MYH4: variants seen among roughly 807,000 people sequenced by gnomAD.
MYH4 encodes the protein myosin-4.
A neutral mutation model predicts 229.9 loss-of-function variants in MYH4; 200 were observed. That is an observed-to-expected ratio of 0.87 (90% CI 0.78 to 0.98). The LOEUF is 0.98. Among genes scored for constraint, MYH4 ranks in the 50% least tolerant of loss-of-function variants. The pLI, the probability that MYH4 is intolerant of heterozygous loss-of-function variation, is 0.00. For missense variants in MYH4, 2,148 were observed against 2,332.6 expected (o/e 0.92, Z 1.63); for synonymous variants, 761 against 834.6 (o/e 0.91, Z 1.52).
At position 10,454,940 on chromosome 17, in the gene MYH4, C is replaced by G. The variant is rs779526769; in HGVS notation, c.2435+1G>C. On this transcript the variant is annotated splice_donor_variant, in intron 21 of 39. Transcript: ENST00000255381. LOFTEE classifies it high-confidence loss of function. ...AGGAAGACTTGTGTGTGGGCTCTCA[C>G]CTCCTCTCCATCATCTTTCTGAACT... The G allele has an allele frequency of 1.2e-6, 2 of 1,614,056 alleles. No homozygotes were observed. The highest frequency in any genetic ancestry group is 1.7e-6 in the Non-Finnish European group (2 of 1,179,914).
chr17:10,468,681 T>C (rs2072791336), intron 2 of MYH4, among the ~76,000 whole-genome samples: 2 of 152,166 alleles, frequency 1.3e-5, no homozygotes, highest in Non-Finnish European at 2.9e-5. Flanking sequence ...CTGACGTCAA[T>C]CACAGTTGGC....
At chr17:10,456,192 G>A (rs893301503) in intron 17 of MYH4, among the ~76,000 whole-genome samples, 1 of 152,184 alleles carries the variant, frequency 6.6e-6, no homozygotes, top group African/African-American at 2.4e-5. Flanking sequence ...TTTTAAAAGA[G>A]CATTTGATTT....
chr17:10,454,778 CG>C lies in MYH4; in HGVS notation c.2467del (p.Arg823ValfsTer4), dbSNP rs761543068. The C allele has an allele frequency of 1.2e-6, 2 of 1,613,922 alleles. No individual in the cohort carries two copies. Among genetic ancestry groups the C allele is most frequent in the Admixed American group, 3.3e-5 (2 of 60,008 alleles). ...ESIFCIQYNIRAFMNVKHWPW... is the reference protein window; with the variant it reads ...ESIFCIQYNIXAFMNVKHWPW... ...CCAGTGCTTCACATTCATGAAAGCA[CG>C]GATGTTGTACTGAATGCAGAAGATG... On this transcript the variant is annotated frameshift_variant, in exon 22 of 40. Coordinates refer to ENST00000255381, the MANE Select transcript of MYH4 (RefSeq NM_017533.2). LOFTEE classifies it high-confidence loss of function.
At position 10,448,315 on chromosome 17, in the gene MYH4, A is replaced by C. The variant is rs958728692; in HGVS notation, c.4656+81T>G. On this transcript the variant is annotated intron_variant, in intron 33 of 39. Coordinates refer to ENST00000255381, the MANE Select transcript of MYH4 (RefSeq NM_017533.2). ...GAATTACTTGTGTTATTCCCTAAAGATTTGCAACATGATAGAGATCTCAGT... is the reference window on the plus strand; with the variant it reads ...GAATTACTTGTGTTATTCCCTAAAGCTTTGCAACATGATAGAGATCTCAGT... The C allele has an allele frequency of 2.2e-5, 33 of 1,473,300 alleles. No individual in the cohort carries two copies. The South Asian group carries it at 4.1e-4, about 18-fold the overall frequency. The allele number at this position is 1,473,300 out of a possible 1,614,324, so 91.3% of individuals were successfully genotyped here. A position where few individuals can be genotyped will look rare whatever the true frequency, so the allele number is the denominator to read the frequency against.
chr17:10,460,021 C>T lies in MYH4; in HGVS notation c.1347G>A (p.Gln449=), dbSNP rs2072683188. 1 of 1,614,112 alleles carries T rather than the reference C, an allele frequency of 6.2e-7. No individual in the cohort carries two copies. Among genetic ancestry groups the T allele is most frequent in the Non-Finnish European group, 8.5e-7 (1 of 1,179,986 alleles). ...FLWMVTRINQ[Q]LDTKQPRQYF... ...ACTGCCTGGGCTGCTTGGTGTCCAG[C>T]TGCTGGTTGATGCGGGTGACCATCC... The change falls in exon 14 of 40, where the codon CAG becomes CAA. Residue 449 remains glutamine (Q), a synonymous_variant. Coordinates refer to ENST00000255381, the MANE Select transcript of MYH4 (RefSeq NM_017533.2).
chr17:10,468,975 C>A (rs1427071694), intron 2 of MYH4, among the ~76,000 whole-genome samples: 1 of 152,204 alleles, frequency 6.6e-6, no homozygotes, highest in Non-Finnish European at 1.5e-5. Flanking sequence ...GATAAACACA[C>A]CTTGATTTTA....
At chr17:10,464,766 C>T (rs1015077386) in intron 5 of MYH4, 58 bp from the exon 6 acceptor site, 51 of 1,535,774 alleles carry the variant, frequency 3.3e-5, no homozygotes, top group Admixed American at 5.3e-5. Context: ...CATAGGTCAA[C>T]GCAGTACTTA....
chr17:10,462,636 G>A (rs1567705955), intron 11 of MYH4, among the ~76,000 whole-genome samples: 2 of 152,138 alleles, frequency 1.3e-5, no homozygotes, highest in South Asian at 4.1e-4. Context: ...GAGCCTACTA[G>A]CTAAGGAATA....
chr17:10,455,325 G>C (rs754255901), intron 19 of MYH4, 30 bp from the exon 20 acceptor site: 11 of 1,591,736 alleles, frequency 6.9e-6, no homozygotes, highest in South Asian at 1.2e-5. Flanking sequence ...ATAAAAATGT[G>C]GTTTTTCTTC....
chr17:10,459,853 A>C, intron 14 of MYH4, 99 bp downstream of exon 14: 1 of 1,598,642 alleles, frequency 6.3e-7, no homozygotes, highest in Admixed American at 1.7e-5. Context: ...AGTAGGAATT[A>C]CATTTGTATA....
At chr17:10,457,193 T>C (rs1233444119) in intron 16 of MYH4, among the ~76,000 whole-genome samples, 1 of 152,226 alleles carries the variant, frequency 6.6e-6, no homozygotes, top group Non-Finnish European at 1.5e-5. Context: ...ATTCTTGTTT[T>C]CTCATGAGTG....
intron 11 of MYH4, among the ~76,000 whole-genome samples, chr17:10,461,599 CT>C (rs1488109964): frequency 4.6e-5 from 7 of 152,142 alleles, no homozygotes; most frequent in Non-Finnish European, 7.3e-5. Flanking sequence ...ACATGCCTCT[CT>C]GATAGCAAGC....
chr17:10,452,979 C>A (rs2072595192), intron 24 of MYH4, 47 bp from the exon 25 acceptor site: 1 of 1,594,478 alleles, frequency 6.3e-7, no homozygotes, highest in Non-Finnish European at 8.5e-7. Context: ...AAGCACTGAA[C>A]CCTATGCTAG....
intron 27 of MYH4, 73 bp downstream of exon 27, chr17:10,451,868 A>T (rs2072577064): frequency 1.3e-6 from 2 of 1,522,570 alleles, no homozygotes; most frequent in East Asian, 2.3e-5. Context: ...TTTGGCTAAA[A>T]ATAGTCATAT....
At chr17:10,460,174 A>G in intron 13 of MYH4, 29 bp downstream of exon 13, 1 of 1,613,436 alleles carries the variant, frequency 6.2e-7, no homozygotes, top group Non-Finnish European at 8.5e-7. Context: ...TGCGGTTCAA[A>G]TAAATCAGAC....
chr17:10,451,870 T>C, intron 27 of MYH4, 71 bp downstream of exon 27: 1 of 1,523,310 alleles, frequency 6.6e-7, no homozygotes, highest in Non-Finnish European at 8.8e-7. Flanking sequence ...TGGCTAAAAA[T>C]AGTCATATAT....
Position 10,453,151 on chromosome 17 carries a change from C to T in MYH4, c.3111+1G>A, listed in dbSNP as rs1236660223. On this transcript the variant is annotated splice_donor_variant, in intron 24 of 39. Transcript: ENST00000255381. LOFTEE classifies it high-confidence loss of function. ...GGAAACATTTTCTTTTTCACACTTACATCGTCCACTTGCTGTTCTAGCTTG... is the reference window on the plus strand; with the variant it reads ...GGAAACATTTTCTTTTTCACACTTATATCGTCCACTTGCTGTTCTAGCTTG... 6.2e-7 allele frequency: 1 copy of T among 1,614,112 alleles called. No individual in the cohort carries two copies. Among genetic ancestry groups the T allele is most frequent in the Non-Finnish European group, 8.5e-7 (1 of 1,180,006 alleles).
At chr17:10,445,416 A>G (rs969208411) in intron 35 of MYH4, 54 bp from the exon 36 acceptor site, 36 of 1,606,648 alleles carry the variant, frequency 2.2e-5, no homozygotes, top group Non-Finnish European at 2.0e-5. Context: ...AACAACTCAC[A>G]TTGTCATTTT....
chr17:10,465,107 G>T (rs2072747629), intron 5 of MYH4, among the ~76,000 whole-genome samples: 1 of 152,190 alleles, frequency 6.6e-6, no homozygotes, highest in East Asian at 1.9e-4. Flanking sequence ...TTTTAGGAGA[G>T]ATTATGTATT....
Sources: allele counts gnomAD v4.1 joint callset (sites outside exome capture counted in the v4.1 genomes callset), GRCh38; gene constraint gnomAD v4.1.1; transcripts MANE v1.5; gene names NCBI Gene and HGNC (gene_info 2026-07-23, HGNC 2026-07-21).